Variants in TTYH2 observed in about 807,000 individuals in gnomAD.
TTYH2 encodes protein tweety homolog 2.
TTYH2 carries 49 observed loss-of-function variants against 68.3 expected under a neutral mutation model. The ratio of observed to expected loss-of-function variants is 0.72; its 90% CI spans 0.57 to 0.91. The LOEUF is 0.91. Ranked by LOEUF, TTYH2 falls within the 40% of genes least tolerant of loss-of-function variation. The probability of loss-of-function intolerance (pLI) is 0.00; values close to 1 mark genes in which losing one functional copy is unlikely to be tolerated. For missense variants in TTYH2, 631 were observed against 700.4 expected, an observed-to-expected ratio of 0.90 and a Z score of 1.12; for synonymous variants, 272 against 300.8, an observed-to-expected ratio of 0.90 and a Z score of 0.99.
chr17:74,237,672 G>A (rs1439534165), intron 4 of TTYH2, among the ~76,000 whole-genome samples, 158 bp downstream of exon 4: 1 of 152,116 alleles, frequency 6.6e-6, no homozygotes, highest in Non-Finnish European at 1.5e-5. Context: ...TGTTGCCCAG[G>A]CTGGAGTGAA....
In TTYH2 at chr17:74,241,296, T is replaced by TGC. The variant is rs1555599452; in HGVS notation, c.636-2076_636-2075dup. Among the ~76,000 whole-genome samples the TGC allele has an allele frequency of 2.9e-3, 421 of 146,362 alleles. 4 individuals carry two copies. The highest frequency in any genetic ancestry group is 9.8e-3 in the African/African-American group (389 of 39,762). On this transcript the variant is annotated intron_variant, in intron 4 of 13. Coordinates refer to ENST00000269346, the MANE Select transcript of TTYH2 (RefSeq NM_032646.6). This position sits in a 1 kb window ranked among gnomAD's most constrained non-coding sequence, Gnocchi z 4.1. ...GTGTGTGTGTGTGTGTGTGTGTGTG[T>TGC]GCGTGTAAAAATAAGAATGTGATCC...
Position 74,260,142 on chromosome 17 carries a change from T to C in TTYH2, c.1538T>C (p.Met513Thr). The C allele has an allele frequency of 6.2e-7, 1 of 1,613,074 alleles. No homozygotes were observed. The highest frequency in any genetic ancestry group is 1.1e-5 in the South Asian group (1 of 91,058). Residue 513 changes from methionine to threonine, a missense_variant, in exon 14 of 14, where the codon ATG (methionine) becomes ACG (threonine). Physicochemically the swap from Met to Thr is moderately conservative, Grantham distance 81. Coordinates refer to ENST00000269346, the MANE Select transcript of TTYH2 (RefSeq NM_032646.6). Reference sequence around the variant, plus strand: ...CTCTCTTGGCAGTACTCTCCCAGCATGAGAGCCACCTACCTGTCTGTGGCG... The same window carrying C: ...CTCTCTTGGCAGTACTCTCCCAGCACGAGAGCCACCTACCTGTCTGTGGCG... ...ASPPPTYSPS[M>T]RATYLSVADE... is the part of the protein sequence containing the mutation.
rs1219187524 is a variant in TTYH2 at position 74,217,401 on chromosome 17, A to G, written c.129+3685A>G. On this transcript the variant is annotated intron_variant, in intron 1 of 13. Coordinates refer to ENST00000269346, the MANE Select transcript of TTYH2 (RefSeq NM_032646.6). The surrounding 1 kb of genome is among the most constrained non-coding windows in gnomAD (Gnocchi z 4.0). ...TCCGTTCATAGATTCGCCAAAGTACAAAGTGGAGGGTACACAGTTGGGGAC... is the reference window on the plus strand; with the variant it reads ...TCCGTTCATAGATTCGCCAAAGTACGAAGTGGAGGGTACACAGTTGGGGAC... Among the ~76,000 whole-genome samples the G allele has an allele frequency of 1.3e-5, 2 of 152,198 alleles. No individual in the cohort carries two copies. The highest frequency in any genetic ancestry group is 4.8e-5 in the African/African-American group (2 of 41,454).
chr17:74,247,324 G>T (rs1371582242), intron 6 of TTYH2, among the ~76,000 whole-genome samples: 1 of 152,122 alleles, frequency 6.6e-6, no homozygotes, highest in Non-Finnish European at 1.5e-5. Context: ...TGAGATCTGG[G>T]TGGACCATTT....
intron 9 of TTYH2, 80 bp downstream of exon 9, chr17:74,250,108 C>A: frequency 6.5e-7 from 1 of 1,531,008 alleles, no homozygotes; most frequent in Non-Finnish European, 9.0e-7. Flanking sequence ...CAGGGCCAGG[C>A]TGTGCACAGC....
In TTYH2 at chr17:74,214,918, C is replaced by T. The variant is rs368410771; in HGVS notation, c.129+1202C>T. ...CAGGGAGTCTAATAATAACCCCTGACGACCCGGCTGCCATCAGGCCCAGGC... is the reference window on the plus strand; with the variant it reads ...CAGGGAGTCTAATAATAACCCCTGATGACCCGGCTGCCATCAGGCCCAGGC... On this transcript the variant is annotated intron_variant, in intron 1 of 13. Coordinates refer to ENST00000269346, the MANE Select transcript of TTYH2 (RefSeq NM_032646.6). The surrounding 1 kb of genome is among the most constrained non-coding windows in gnomAD (Gnocchi z 4.6). 1.7e-4 allele frequency among the ~76,000 whole-genome samples: 26 copies of T among 152,228 alleles called. No homozygotes were observed. The East Asian group carries it at 2.5e-3, about 15-fold the overall frequency.
rs1021240026 is a variant in TTYH2, at chr17:74,237,782, C to T, written c.635+268C>T. The stretch of plus-strand genomic sequence containing the variant: ...AGTAGCTGGGACTACAGGTGTGTGC[C>T]GCCACGCCAGACTAATTTTTGTATT... On this transcript the variant is annotated intron_variant, in intron 4 of 13. Coordinates refer to ENST00000269346, the MANE Select transcript of TTYH2 (RefSeq NM_032646.6). Among the ~76,000 whole-genome samples, 35 of 152,148 alleles carry T rather than the reference C, an allele frequency of 2.3e-4. 1 individual carries two copies. Among genetic ancestry groups the T allele is most frequent in the Non-Finnish European group, 7.4e-5 (5 of 68,012 alleles).
At chr17:74,243,894 G>A in intron 5 of TTYH2, 83 bp from the exon 6 acceptor site, 1 of 1,366,212 alleles carries the variant, frequency 7.3e-7, no homozygotes, top group South Asian at 1.3e-5. Flanking sequence ...TCCATTGCAA[G>A]GGTCTGGGGG....
At chr17:74,228,247 G>A (rs1280530792) in intron 2 of TTYH2, among the ~76,000 whole-genome samples, 1 of 152,124 alleles carries the variant, frequency 6.6e-6, no homozygotes, top group Non-Finnish European at 1.5e-5. Context: ...GCCTCCCAAA[G>A]TGCTAGGATT....
At chr17:74,235,486 G>T (rs1046075864) in intron 3 of TTYH2, among the ~76,000 whole-genome samples, 1 of 152,240 alleles carries the variant, frequency 6.6e-6, no homozygotes, top group Admixed American at 6.5e-5. Flanking sequence ...TGCACCCCGG[G>T]GTTCTGCAGG....
intron 3 of TTYH2, among the ~76,000 whole-genome samples, chr17:74,231,677 A>T (rs2050391284): frequency 6.6e-6 from 1 of 152,028 alleles, no homozygotes; most frequent in Admixed American, 6.6e-5. Context: ...ACTCCATCTC[A>T]AAAATTAAAG....
rs147753904 is a variant in TTYH2 at position 74,247,605 on chromosome 17, A to G, written c.805-1406A>G. Among the ~76,000 whole-genome samples the G allele has an allele frequency of 3.8e-4, 58 of 152,144 alleles. 1 individual carries two copies. The South Asian group carries it at 5.2e-3, about 14-fold the overall frequency. On this transcript the variant is annotated intron_variant, in intron 6 of 13. Transcript: ENST00000269346. Reference sequence around the variant, plus strand: ...TGTCCCTCTCCTTTCTTGGTTCCCAAACTTCTTGGGGGTGACCCAAACTGA... The same window carrying G: ...TGTCCCTCTCCTTTCTTGGTTCCCAGACTTCTTGGGGGTGACCCAAACTGA...
chr17:74,218,415 G>A (rs1462424362), intron 1 of TTYH2, among the ~76,000 whole-genome samples: 2 of 151,940 alleles, frequency 1.3e-5, no homozygotes, highest in African/African-American at 4.8e-5. Context: ...GCTCATGCCT[G>A]TAATCCCAGC....
chr17:74,230,986 G>A lies in TTYH2; in HGVS notation c.401G>A (p.Gly134Glu), dbSNP rs1287166959. ...GACGATGCCAACCACACCTTCTCTG[G>A]GATCGATGCTCTGGTAAGGCTCCCG... ...SLDDANHTFSGIDALVSGTTQ... is the reference protein window; with the variant it reads ...SLDDANHTFSEIDALVSGTTQ... The change falls in exon 3 of 14, where the codon GGG becomes GAG. Residue 134 changes from glycine to glutamate, a missense_variant. By Grantham distance (98) the Gly-to-Glu change is moderately conservative. Transcript: ENST00000269346. 4 of 1,613,826 alleles carry A rather than the reference G, an allele frequency of 2.5e-6. No homozygotes were observed. The highest frequency in any genetic ancestry group is 1.7e-5 in the Admixed American group (1 of 59,990).
intron 3 of TTYH2, among the ~76,000 whole-genome samples, chr17:74,236,936 G>T (rs1288814968): frequency 7.0e-5 from 10 of 143,036 alleles, no homozygotes. Flanking sequence ...CACTCTTGTC[G>T]CCCAGGCTGG....
At chr17:74,254,155 T>C (rs1352855314) in intron 13 of TTYH2, among the ~76,000 whole-genome samples, 1 of 151,392 alleles carries the variant, frequency 6.6e-6, no homozygotes, top group Non-Finnish European at 1.5e-5. Flanking sequence ...GCCATCCTGG[T>C]TAAGTAATTG....
chr17:74,249,767 G>T (rs1488277794), intron 8 of TTYH2, among the ~76,000 whole-genome samples, 169 bp from the exon 9 acceptor site: 1 of 144,864 alleles, frequency 6.9e-6, no homozygotes, highest in East Asian at 2.3e-4. Context: ...GGAGTAGGGG[G>T]AGACTTCCTG....
At chr17:74,259,711 G>T (rs909192669) in intron 13 of TTYH2, among the ~76,000 whole-genome samples, 24 of 152,120 alleles carry the variant, frequency 1.6e-4, no homozygotes, top group African/African-American at 5.6e-4. Context: ...CCATTTTGCA[G>T]GTAGGGAAAC....
In TTYH2 at chr17:74,261,243, G is replaced by A. The variant is rs2050747664; in HGVS notation, c.*1034G>A. On this transcript the variant is annotated 3_prime_UTR_variant, in exon 14 of 14. Transcript: ENST00000269346. ...GCATCCTGTCCCAAGCTACTGTTTG[G>A]TGGGGATCTGGGTTCATCTCACCCA... The A allele has an allele frequency of 6.6e-6, 1 of 152,186 alleles. No individual in the cohort carries two copies. The highest frequency in any genetic ancestry group is 2.1e-4 in the South Asian group (1 of 4,814). 9.4% of individuals were successfully genotyped at this position (152,186 alleles called of 1,614,324 possible). A position where few individuals can be genotyped will look rare whatever the true frequency, so the allele number is the denominator to read the frequency against.
Sources: gnomAD v4.1 joint callset for allele counts (sites outside exome capture counted in the v4.1 genomes callset) on GRCh38, gnomAD v4.1.1 for gene constraint, Gnocchi (gnomAD v3.1) non-coding constraint, MANE v1.5 for transcripts, NCBI Gene and HGNC (gene_info 2026-07-23, HGNC 2026-07-21) for gene names.